Variants in FRY observed in about 807,000 individuals in gnomAD.
FRY encodes the protein protein furry homolog.
FRY carries 128 observed loss-of-function variants against 348.4 expected under a neutral mutation model. That is an observed-to-expected ratio of 0.37 (90% CI 0.32 to 0.43). The LOEUF (loss-of-function observed/expected upper bound fraction) is 0.43, where lower values mean the gene tolerates loss of function less well. Among genes scored for constraint, FRY ranks in the 20% least tolerant of loss-of-function variants. The pLI, the probability that FRY is intolerant of heterozygous loss-of-function variation, is 1.00. For missense variants in FRY, 2,736 were observed against 3,695.2 expected, an observed-to-expected ratio of 0.74 and a Z score of 6.73; for synonymous variants, 1,370 against 1,374.7, an observed-to-expected ratio of 1.00 and a Z score of 0.08.
intron 51 of FRY, among the ~76,000 whole-genome samples, chr13:32,259,924 GTC>G (rs565552800): frequency 2.0e-4 from 31 of 152,142 alleles, no homozygotes; most frequent in Non-Finnish European, 3.4e-4. Flanking sequence ...AATATTCTGA[GTC>G]TGCATTCTTT....
intron 1 of FRY, 101 bp downstream of exon 1, chr13:32,031,966 G>A: frequency 2.9e-6 from 2 of 695,252 alleles, no homozygotes; most frequent in Non-Finnish European, 5.1e-6. Flanking sequence ...TGTGAGCCGC[G>A]GAAGTTTTTC....
intron 39 of FRY, among the ~76,000 whole-genome samples, chr13:32,227,362 A>G (rs1290722901): frequency 1.3e-5 from 2 of 152,220 alleles, no homozygotes; most frequent in East Asian, 3.8e-4. Flanking sequence ...AGATACAGAG[A>G]ATTCCATAAA....
Position 32,196,061 on chromosome 13 carries a change from T to G in FRY, c.3746+1764T>G, listed in dbSNP as rs547174855. 2.6e-5 allele frequency among the ~76,000 whole-genome samples: 4 copies of G among 152,310 alleles called. No individual in the cohort carries two copies. In the South Asian group the frequency reaches 8.3e-4, roughly 32 times the overall value. On this transcript the variant is annotated intron_variant, in intron 29 of 60. Coordinates refer to ENST00000542859, the MANE Select transcript of FRY (RefSeq NM_023037.3). ...TCATTGTGCTTGAGTTTGCAGTACT[T>G]TTTTACAAAACCAATTGTGATATTT...
chr13:32,206,565 G>A (rs28482043), intron 31 of FRY, among the ~76,000 whole-genome samples: 277 of 152,244 alleles, frequency 1.8e-3, no homozygotes, highest in African/African-American at 6.3e-3. Flanking sequence ...AAGGATGAGC[G>A]ATATTGGAGC....
intron 1 of FRY, chr13:32,038,393 C>G (rs1206029508): frequency 1.3e-5 from 2 of 152,274 alleles, no homozygotes; most frequent in Non-Finnish European, 2.9e-5. Flanking sequence ...TCTTAGTCCT[C>G]TTTTTTAAAC....
At chr13:32,133,709 G>T (rs1055812281) in intron 8 of FRY, among the ~76,000 whole-genome samples, 5 of 146,832 alleles carry the variant, frequency 3.4e-5, no homozygotes, top group Non-Finnish European at 7.5e-5. Context: ...AGCCAGTGTA[G>T]ATATTAACAT....
At chr13:32,174,744 C>T (rs798979) in intron 19 of FRY, among the ~76,000 whole-genome samples, 121,307 of 152,130 alleles carry the variant, frequency 0.8, 49,068 homozygotes, top group East Asian at 1. Flanking sequence ...TTTTAAACCA[C>T]TGTCATTCAC....
intron 7 of FRY, among the ~76,000 whole-genome samples, chr13:32,126,726 G>T (rs1879044669): frequency 6.6e-6 from 1 of 152,040 alleles, no homozygotes. Context: ...CATGAATTAT[G>T]ACATTACTTC....
intron 14 of FRY, among the ~76,000 whole-genome samples, chr13:32,151,490 A>G (rs1269997466): frequency 6.6e-6 from 1 of 152,282 alleles, no homozygotes; most frequent in African/African-American, 2.4e-5. Context: ...ACACTTGATG[A>G]AACATGCTGT....
chr13:32,290,782 T>G (rs1889301591), intron 59 of FRY, among the ~76,000 whole-genome samples: 2 of 150,608 alleles, frequency 1.3e-5, no homozygotes, highest in African/African-American at 4.9e-5. Context: ...AGGAAGGAAA[T>G]GTGAGACACG....
chr13:32,212,031 A>G (rs56298835), intron 34 of FRY, among the ~76,000 whole-genome samples: 2 of 152,362 alleles, frequency 1.3e-5, no homozygotes, highest in East Asian at 3.9e-4. Context: ...GTGGCCAGGA[A>G]GAAGAGGTTT....
At chr13:32,175,751 A>G in intron 20 of FRY, 119 bp downstream of exon 20, 1 of 703,960 alleles carries the variant, frequency 1.4e-6, no homozygotes, top group Admixed American at 2.0e-5. Flanking sequence ...AAACTGACCC[A>G]AAGGTACTTA....
chr13:32,066,255 T>C (rs1245583835), intron 1 of FRY, among the ~76,000 whole-genome samples: 2 of 152,260 alleles, frequency 1.3e-5, no homozygotes, highest in African/African-American at 2.4e-5. Flanking sequence ...TGCTTCCTTA[T>C]GGTGGTAACA....
intron 19 of FRY, 76 bp downstream of exon 19, chr13:32,173,625 A>T (rs1402688177): frequency 9.7e-7 from 1 of 1,035,270 alleles, no homozygotes; most frequent in Non-Finnish European, 1.5e-6. Context: ...ACTACAAATG[A>T]TGCATTACTA....
intron 53 of FRY, among the ~76,000 whole-genome samples, chr13:32,263,692 A>C (rs570570750): frequency 7.3e-4 from 111 of 152,348 alleles, no homozygotes; most frequent in Non-Finnish European, 1.0e-3. Flanking sequence ...TGAATGCTAA[A>C]AACATATAGA....
intron 1 of FRY, among the ~76,000 whole-genome samples, chr13:32,075,624 C>T (rs895531087): frequency 2.0e-5 from 3 of 152,206 alleles, no homozygotes; most frequent in African/African-American, 7.2e-5. Context: ...TACCGGGGAA[C>T]ATGAGTTTCC....
chr13:32,115,048 A>T (rs1243772459), intron 3 of FRY, among the ~76,000 whole-genome samples: 1 of 152,224 alleles, frequency 6.6e-6, no homozygotes, highest in African/African-American at 2.4e-5. Context: ...ACCTTATATT[A>T]ACTCATAACT....
intron 7 of FRY, among the ~76,000 whole-genome samples, chr13:32,127,525 T>C (rs751669690): frequency 1.3e-5 from 2 of 152,106 alleles, no homozygotes; most frequent in African/African-American, 2.4e-5. Flanking sequence ...CACCTGTAAT[T>C]CCATCACTTT....
Position 32,294,554 on chromosome 13 carries a change from C to A in FRY, c.8767C>A (p.Gln2923Lys), listed in dbSNP as rs1206679879. 1 of 1,613,600 alleles carries A rather than the reference C, an allele frequency of 6.2e-7. No homozygotes were observed. Among genetic ancestry groups the A allele is most frequent in the Non-Finnish European group, 8.5e-7 (1 of 1,179,522 alleles). ...KNNELGKALR[Q>K]IRECRSLWPN... ...CAACGAACTCGGCAAAGCTTTGCGG[C>A]AGATCAGGGAGTGCAGGTGACTCTG... Residue 2923 changes from glutamine to lysine, a missense_variant, in exon 60 of 61, where the codon CAG (glutamine) becomes AAG (lysine). This residue lies in a region of FRY where 157 missense variants were observed against 215.2 expected (regional missense o/e 0.73). Coordinates refer to ENST00000542859, the MANE Select transcript of FRY (RefSeq NM_023037.3).
Sources: gnomAD v4.1 joint callset for allele counts (sites outside exome capture counted in the v4.1 genomes callset) on GRCh38, gnomAD v4.1.1 for gene constraint, gnomAD v4.1.1 regional missense constraint, MANE v1.5 for transcripts, NCBI Gene and HGNC (gene_info 2026-07-23, HGNC 2026-07-21) for gene names.